Variants in CPNE1 observed in about 807,000 individuals in gnomAD.
CPNE1 encodes the protein copine-1.
In CPNE1, 58 loss-of-function variants were observed where a neutral mutation model predicts 63.2. The observed-to-expected ratio is 0.92, with a 90% CI of 0.74 to 1.14. The LOEUF is 1.14. Ranked by LOEUF, CPNE1 falls within the 50% of genes most tolerant of loss-of-function variation. CPNE1 has a pLI of 0.00. For missense variants in CPNE1, 672 were observed against 661.7 expected, an observed-to-expected ratio of 1.02 and a Z score of -0.17; for synonymous variants, 237 against 249.0, an observed-to-expected ratio of 0.95 and a Z score of 0.45.
At chr20:35,649,600 T>C (rs887450725) in intron 1 of CPNE1, 2 of 152,656 alleles carry the variant, frequency 1.3e-5, no homozygotes, top group Admixed American at 6.5e-5. Context: ...ATAATAATTG[T>C]ACATCCAAAC....
chr20:35,626,065 T>A lies in CPNE1; in HGVS notation c.*176A>T. The A allele has an allele frequency of 4.2e-6, 3 of 709,564 alleles. No homozygotes were observed. Among genetic ancestry groups the A allele is most frequent in the Non-Finnish European group, 7.5e-6 (3 of 399,924 alleles). The allele number at this position is 709,564 out of a possible 1,614,324, so 44.0% of individuals were successfully genotyped here. A position where few individuals can be genotyped will look rare whatever the true frequency, so the allele number is the denominator to read the frequency against. ...AGCATTGGTCTTCACTGGTCTTTAT[T>A]GAATGAGGGTTGTCAGGAGCAAAGG... On this transcript the variant is annotated 3_prime_UTR_variant, in exon 16 of 16. Coordinates refer to ENST00000397443, the MANE Select transcript of CPNE1 (RefSeq NM_152925.3).
intron 1 of CPNE1, among the ~76,000 whole-genome samples, chr20:35,643,710 C>G (rs1325394113): frequency 6.6e-6 from 1 of 152,110 alleles, no homozygotes; most frequent in African/African-American, 2.4e-5. Flanking sequence ...GCAGCCTAAG[C>G]AACAGAGTGA....
In CPNE1 at chr20:35,634,509, G is replaced by A. The variant is rs567691487; in HGVS notation, c.1-1586C>T. On this transcript the variant is annotated intron_variant, in intron 1 of 15. Coordinates refer to ENST00000397443, the MANE Select transcript of CPNE1 (RefSeq NM_152925.3). ...TTTGGGAGGCTGAGGCAGGAGAATC[G>A]CTTGAACCTGGCGGGTGGAGGTTGA... 7.2e-5 allele frequency among the ~76,000 whole-genome samples: 11 copies of A among 151,858 alleles called. No homozygotes were observed. The South Asian group carries it at 8.3e-4, about 11-fold the overall frequency.
chr20:35,664,120 C>T (rs1405154641), intron 1 of CPNE1, among the ~76,000 whole-genome samples: 1 of 152,122 alleles, frequency 6.6e-6, no homozygotes, highest in Non-Finnish European at 1.5e-5. Flanking sequence ...AAAACTGCTA[C>T]ACCCTCGAGT....
chr20:35,640,014 T>C (rs894474412), intron 1 of CPNE1, among the ~76,000 whole-genome samples: 1 of 152,210 alleles, frequency 6.6e-6, no homozygotes, highest in African/African-American at 2.4e-5. Flanking sequence ...GAACTCTCAC[T>C]GATGTGAGCC....
At chr20:35,634,376 T>C (rs1281374424) in intron 1 of CPNE1, among the ~76,000 whole-genome samples, 2 of 150,406 alleles carry the variant, frequency 1.3e-5, no homozygotes, top group African/African-American at 4.9e-5. Context: ...GGTGGCTCAC[T>C]TGAGGTCAGG....
Position 35,654,786 on chromosome 20 carries a change from G to A in CPNE1, c.-1+9974C>T, listed in dbSNP as rs148204642. 6.5e-5 allele frequency: 105 copies of A among 1,613,992 alleles called. No individual in the cohort carries two copies. The African/African-American group carries it at 1.2e-3, about 19-fold the overall frequency. Reference sequence around the variant, plus strand: ...GCGGCGGGACTGTGTTCATTGGAGAGGCTGTGCTTGGAACAGTTGAGCTAA... The same window carrying A: ...GCGGCGGGACTGTGTTCATTGGAGAAGCTGTGCTTGGAACAGTTGAGCTAA... On this transcript the variant is annotated intron_variant, in intron 1 of 15. Transcript: ENST00000397443.
intron 11 of CPNE1, 52 bp downstream of exon 11, chr20:35,630,849 A>G (rs575412119): frequency 4.4e-6 from 7 of 1,604,754 alleles, no homozygotes; most frequent in South Asian, 1.1e-5. Flanking sequence ...GTAAGCTCAG[A>G]GGCTGAAGCA....
chr20:35,645,540 T>C (rs771069664), intron 1 of CPNE1, among the ~76,000 whole-genome samples: 4 of 152,216 alleles, frequency 2.6e-5, no homozygotes, highest in Non-Finnish European at 4.4e-5. Flanking sequence ...CACCAAAGTA[T>C]AAGTGCTGGG....
At chr20:35,651,907 A>C (rs1164172932) in intron 1 of CPNE1, 1 of 152,600 alleles carries the variant, frequency 6.6e-6, no homozygotes, top group Admixed American at 6.5e-5. Context: ...AAAACCAACA[A>C]AACAGTTCTG....
At chr20:35,634,626 T>C (rs2032379310) in intron 1 of CPNE1, among the ~76,000 whole-genome samples, 1 of 151,938 alleles carries the variant, frequency 6.6e-6, no homozygotes, top group Non-Finnish European at 1.5e-5. Flanking sequence ...AAGTCCAAAC[T>C]ATACCATGGC....
In CPNE1 at chr20:35,626,646, C is replaced by T. The variant is rs777245874; in HGVS notation, c.1394G>A (p.Gly465Asp). ...FEAMEQLDAD[G>D]GPLHTRSGQA... ...CCCAGAACGTGTATGCAGGGGTCCA[C>T]CATCAGCGTCCAGCTGCTCCATGGC... The change falls in exon 15 of 16, where the codon GGT becomes GAT. Residue 465 changes from glycine (G) to aspartate (D), a missense_variant. By Grantham distance (94) the Gly-to-Asp change is moderately conservative. Transcript: ENST00000397443. The T allele has an allele frequency of 1.2e-6, 2 of 1,614,166 alleles. No individual in the cohort carries two copies. Among genetic ancestry groups the T allele is most frequent in the Non-Finnish European group, 1.7e-6 (2 of 1,180,036 alleles).
intron 1 of CPNE1, among the ~76,000 whole-genome samples, chr20:35,658,553 G>A (rs2034038282): frequency 6.6e-6 from 1 of 152,060 alleles, no homozygotes; most frequent in Non-Finnish European, 1.5e-5. Flanking sequence ...AAGGTCAGGA[G>A]TTCAAGACCA....
chr20:35,661,038 T>C (rs1471894705), intron 1 of CPNE1, among the ~76,000 whole-genome samples: 1 of 152,242 alleles, frequency 6.6e-6, no homozygotes. Context: ...TCAAGTTTTA[T>C]GTGTACAACT....
At chr20:35,647,900 A>G (rs1421381009) in intron 1 of CPNE1, among the ~76,000 whole-genome samples, 1 of 150,006 alleles carries the variant, frequency 6.7e-6, no homozygotes, top group Non-Finnish European at 1.5e-5. Flanking sequence ...TAAAAATGAA[A>G]AAAAAAAAAA....
In CPNE1 at chr20:35,632,930, G is replaced by A; in HGVS notation, c.1-7C>T. ...AGGTCACGCAGTGGGCCATCTGAGG[G>A]AAAAGGAGCTGGGTCAAGCACCAGG... On this transcript the variant is annotated splice_polypyrimidine_tract_variant and splice_region_variant and intron_variant, in intron 1 of 15. Transcript: ENST00000397443. 1.1e-6 allele frequency: 1 copy of A among 870,018 alleles called. No individual in the cohort carries two copies. Among genetic ancestry groups the A allele is most frequent in the Non-Finnish European group, 2.0e-6 (1 of 500,102 alleles). 53.9% of individuals were successfully genotyped at this position (870,018 alleles called of 1,614,324 possible). A position where few individuals can be genotyped will look rare whatever the true frequency, so the allele number is the denominator to read the frequency against.
Position 35,626,345 on chromosome 20 carries a change from C to T in CPNE1, c.1510G>A (p.Glu504Lys), listed in dbSNP as rs1432235999. ...TATGAGACCAGTTGTGTGGGCACTT[C>T]TGCGAGCACGGTCTGTGCCAATGCC... ...REALAQTVLA[E>K]VPTQLVSYFR... The change falls in exon 16 of 16, where the codon GAA becomes AAA. Residue 504 changes from glutamate (E) to lysine (K), a missense_variant. By Grantham distance (56) the Glu-to-Lys change is moderately conservative. Coordinates refer to ENST00000397443, the MANE Select transcript of CPNE1 (RefSeq NM_152925.3). 6.2e-7 allele frequency: 1 copy of T among 1,614,128 alleles called. No individual in the cohort carries two copies. The highest frequency in any genetic ancestry group is 1.1e-5 in the South Asian group (1 of 91,084).
chr20:35,629,169 G>C (rs1478180683), intron 13 of CPNE1, among the ~76,000 whole-genome samples: 1 of 152,220 alleles, frequency 6.6e-6, no homozygotes, highest in Non-Finnish European at 1.5e-5. Flanking sequence ...TAGGGTAATT[G>C]GGATAAAGGT....
At chr20:35,639,849 T>A (rs1248180126) in intron 1 of CPNE1, among the ~76,000 whole-genome samples, 1 of 152,208 alleles carries the variant, frequency 6.6e-6, no homozygotes, top group African/African-American at 2.4e-5. Context: ...ATCATCTTCC[T>A]GTGTAGGCCT....
Sources: gnomAD v4.1 joint callset for allele counts (sites outside exome capture counted in the v4.1 genomes callset) on GRCh38, gnomAD v4.1.1 for gene constraint, MANE v1.5 for transcripts, NCBI Gene and HGNC (gene_info 2026-07-23, HGNC 2026-07-21) for gene names.